The following FHIT variants were observed in gnomAD, a reference collection of about 807,000 sequenced individuals.
FHIT encodes bis(5'-adenosyl)-triphosphatase.
Under a neutral mutation model 17.9 loss-of-function variants are expected in FHIT, and 19 were observed. The observed-to-expected ratio is 1.06, with a 90% CI of 0.74 to 1.56. FHIT has a LOEUF of 1.56. Among genes scored for constraint, FHIT ranks in the 40% most tolerant of loss-of-function variants. The pLI, the probability that FHIT is intolerant of heterozygous loss-of-function variation, is 0.00. For missense variants in FHIT, 248 were observed against 189.2 expected (o/e 1.31, Z -1.82); for synonymous variants, 81 against 69.7 (o/e 1.16, Z -0.81).
At chr3:60,168,766 A>G (rs1053520045) in intron 5 of FHIT, among the ~76,000 whole-genome samples, 1 of 152,242 alleles carries the variant, frequency 6.6e-6, no homozygotes, top group African/African-American at 2.4e-5. Flanking sequence ...GGCACCACAC[A>G]GTGAAGCTAA....
At chr3:60,513,927 A>G (rs1312807613) in intron 5 of FHIT, among the ~76,000 whole-genome samples, 4 of 152,154 alleles carry the variant, frequency 2.6e-5, no homozygotes, top group Middle Eastern at 3.2e-3. Flanking sequence ...AACAGGAGAG[A>G]AGAGGAGAGA....
intron 7 of FHIT, among the ~76,000 whole-genome samples, chr3:59,985,353 TAG>T (rs1708846641): frequency 6.6e-6 from 1 of 152,064 alleles, no homozygotes; most frequent in Admixed American, 6.6e-5. Flanking sequence ...ACTCCAGACA[TAG>T]GGGGTTATTT....
At chr3:59,882,499 A>C (rs1703451484) in intron 8 of FHIT, among the ~76,000 whole-genome samples, 1 of 152,212 alleles carries the variant, frequency 6.6e-6, no homozygotes, top group Admixed American at 6.5e-5. Flanking sequence ...TCGGTAGAGA[A>C]ATCCAGACTT....
intron 7 of FHIT, among the ~76,000 whole-genome samples, chr3:59,938,762 G>T (rs1706364552): frequency 6.6e-6 from 1 of 152,118 alleles, no homozygotes; most frequent in African/African-American, 2.4e-5. Context: ...AAATAAGTTT[G>T]AAAATATACA....
chr3:60,520,875 A>C (rs1322556891), intron 5 of FHIT, among the ~76,000 whole-genome samples: 1 of 151,932 alleles, frequency 6.6e-6, no homozygotes. Flanking sequence ...TCACACACCT[A>C]CCTCTTCCCA....
chr3:60,898,537 A>G (rs1310202268), intron 3 of FHIT, among the ~76,000 whole-genome samples: 2 of 152,200 alleles, frequency 1.3e-5, no homozygotes, highest in African/African-American at 2.4e-5. Context: ...ATTTAGCAAG[A>G]CTAAACAACA....
intron 2 of FHIT, among the ~76,000 whole-genome samples, chr3:61,162,465 G>A (rs1280409312): frequency 6.6e-6 from 1 of 152,176 alleles, no homozygotes; most frequent in African/African-American, 2.4e-5. Flanking sequence ...TCATACTCAA[G>A]GTAGTGTATA....
At chr3:61,221,451 T>A (rs1046166213) in intron 1 of FHIT, among the ~76,000 whole-genome samples, 7 of 152,238 alleles carry the variant, frequency 4.6e-5, no homozygotes, top group Non-Finnish European at 8.8e-5. Flanking sequence ...ATATTCAGTG[T>A]TTAACTTCAT....
intron 3 of FHIT, among the ~76,000 whole-genome samples, chr3:60,905,477 C>T (rs1435635196): frequency 1.3e-5 from 2 of 152,188 alleles, no homozygotes; most frequent in Non-Finnish European, 2.9e-5. Flanking sequence ...TCAGTTACAG[C>T]ATTCACCCTG....
chr3:60,221,406 T>C (rs1703952813), intron 5 of FHIT, among the ~76,000 whole-genome samples: 1 of 152,126 alleles, frequency 6.6e-6, no homozygotes, highest in Non-Finnish European at 1.5e-5. Context: ...AAGGGTTCCC[T>C]TAACAGAGAT....
intron 3 of FHIT, among the ~76,000 whole-genome samples, chr3:60,839,085 G>A (rs1319095157): frequency 6.6e-6 from 1 of 151,980 alleles, no homozygotes; most frequent in Non-Finnish European, 1.5e-5. Context: ...GACAGCTAAG[G>A]GAAGGATGCT....
intron 7 of FHIT, among the ~76,000 whole-genome samples, chr3:60,009,118 T>G (rs1191110582): frequency 6.6e-6 from 1 of 151,772 alleles, no homozygotes; most frequent in African/African-American, 2.4e-5. Context: ...TATGGATACT[T>G]TGTCTAAAAG....
chr3:59,859,849 T>C (rs1387319547), intron 8 of FHIT, among the ~76,000 whole-genome samples: 1 of 152,206 alleles, frequency 6.6e-6, no homozygotes, highest in East Asian at 1.9e-4. Context: ...ACTGAGACAG[T>C]TGGCAAAATG....
chr3:61,219,458 C>A (rs1226399282), intron 1 of FHIT, among the ~76,000 whole-genome samples: 3 of 151,746 alleles, frequency 2.0e-5, no homozygotes, highest in Non-Finnish European at 4.4e-5. Context: ...TCAGGAATAG[C>A]CACTCAAATT....
At chr3:61,234,382 A>G (rs1050157908) in intron 1 of FHIT, among the ~76,000 whole-genome samples, 3 of 152,250 alleles carry the variant, frequency 2.0e-5, no homozygotes, top group African/African-American at 7.2e-5. Flanking sequence ...AGTGGGATAG[A>G]TTAAAAAATA....
At chr3:60,825,332 TA>T (rs1276573664) in intron 3 of FHIT, among the ~76,000 whole-genome samples, 2 of 152,190 alleles carry the variant, frequency 1.3e-5, no homozygotes, top group Non-Finnish European at 1.5e-5. Context: ...TTTATATGAT[TA>T]AAGGACATAT....
intron 2 of FHIT, among the ~76,000 whole-genome samples, chr3:61,049,923 A>G (rs2033963628): frequency 6.6e-6 from 1 of 152,168 alleles, no homozygotes. Context: ...CTCTGAAGAC[A>G]CAGGGACACA....
chr3:60,729,248 C>T (rs939894861), intron 4 of FHIT, among the ~76,000 whole-genome samples: 22 of 152,200 alleles, frequency 1.4e-4, no homozygotes, highest in African/African-American at 5.3e-4. Flanking sequence ...ATACTTCCTA[C>T]ATTCCAAGAG....
intron 5 of FHIT, among the ~76,000 whole-genome samples, chr3:60,364,745 C>G (rs1420221486): frequency 6.6e-6 from 1 of 152,114 alleles, no homozygotes; most frequent in Non-Finnish European, 1.5e-5. Flanking sequence ...AATTGGTGAA[C>G]TGAGTACAAC....
Sources: gnomAD v4.1 joint callset for allele counts (sites outside exome capture counted in the v4.1 genomes callset) on GRCh38, gnomAD v4.1.1 for gene constraint, MANE v1.5 for transcripts, NCBI Gene and HGNC (gene_info 2026-07-23, HGNC 2026-07-21) for gene names.